The following CHN2 variants were observed in gnomAD, a reference collection of about 807,000 sequenced individuals.
CHN2 encodes the protein chimerin 2.
In CHN2, 35 loss-of-function variants were observed where a neutral mutation model predicts 56.3. The observed-to-expected ratio is 0.62, with a 90% CI of 0.47 to 0.82. The LOEUF (loss-of-function observed/expected upper bound fraction) is 0.82. CHN2 is among the 40% of genes least tolerant of loss of function. The pLI, the probability that CHN2 is intolerant of heterozygous loss-of-function variation, is 0.00. For missense variants in CHN2, 491 were observed against 580.5 expected (o/e 0.85, Z 1.58); for synonymous variants, 210 against 212.8 (o/e 0.99, Z 0.12).
At chr7:29,474,652 G>A (rs1254613926) in intron 6 of CHN2, among the ~76,000 whole-genome samples, 5 of 152,074 alleles carry the variant, frequency 3.3e-5, no homozygotes, top group Admixed American at 6.5e-5. Flanking sequence ...AACACCTAAG[G>A]AAGATTCAGA....
chr7:29,506,990 A>T (rs1420362155), intron 10 of CHN2, among the ~76,000 whole-genome samples: 1 of 152,172 alleles, frequency 6.6e-6, no homozygotes, highest in African/African-American at 2.4e-5. Flanking sequence ...TGGGACCCAA[A>T]TCACTGTTTG....
intron 3 of CHN2, among the ~76,000 whole-genome samples, chr7:29,372,192 C>T (rs917881388): frequency 6.6e-6 from 1 of 151,840 alleles, no homozygotes; most frequent in African/African-American, 2.4e-5. Context: ...CCACTAGATT[C>T]TATTCCCATT....
chr7:29,466,206 G>C (rs1785540093), intron 6 of CHN2, among the ~76,000 whole-genome samples: 1 of 145,088 alleles, frequency 6.9e-6, no homozygotes, highest in Non-Finnish European at 1.5e-5. Flanking sequence ...TCAAAATAAA[G>C]AGAGAAAGAG....
intron 2 of CHN2, chr7:29,148,556 A>G (rs533452628): frequency 6.6e-6 from 1 of 152,366 alleles, no homozygotes; most frequent in African/African-American, 2.4e-5. Flanking sequence ...TACATTTATT[A>G]AAATAATTAA....
intron 1 of CHN2, among the ~76,000 whole-genome samples, chr7:29,241,571 A>C (rs1020160784): frequency 6.6e-6 from 1 of 152,164 alleles, no homozygotes; most frequent in African/African-American, 2.4e-5. Context: ...CCTACCAGGC[A>C]GACCATGGGG....
chr7:29,298,545 C>T (rs571664078), intron 1 of CHN2, among the ~76,000 whole-genome samples: 2 of 152,204 alleles, frequency 1.3e-5, no homozygotes, highest in South Asian at 2.1e-4. Flanking sequence ...TTTGGGTGCA[C>T]GGTGCTTGGC....
In CHN2 at chr7:29,412,484, A is replaced by G. The variant is rs574115444; in HGVS notation, c.576+11656A>G. Reference sequence around the variant, plus strand: ...GTAGCTGAGACTACGGGCTCACACCACCACACCCAGCTAATTTTTGTATTT... The same window carrying G: ...GTAGCTGAGACTACGGGCTCACACCGCCACACCCAGCTAATTTTTGTATTT... On this transcript the variant is annotated intron_variant, in intron 6 of 12. Transcript: ENST00000222792. Among the ~76,000 whole-genome samples the G allele has an allele frequency of 5.9e-4, 90 of 151,944 alleles. 1 individual carries two copies. The South Asian group carries it at 0.018, about 31-fold the overall frequency.
At chr7:29,195,262 A>C (rs1223277517) in intron 1 of CHN2, 1 of 405,960 alleles carries the variant, frequency 2.5e-6, no homozygotes, top group Non-Finnish European at 4.4e-6. Flanking sequence ...GCAGCGAGCG[A>C]AAAGCGAAAG....
chr7:29,320,950 TCCAATACTAGGAG>T (rs1439457843), intron 1 of CHN2, among the ~76,000 whole-genome samples: 1 of 152,158 alleles, frequency 6.6e-6, no homozygotes, highest in Non-Finnish European at 1.5e-5. Context: ...TAAAATGAGG[TCCAATACTAGGAG>T]CAATTGGTAA....
At chr7:29,471,595 G>A (rs1175085026) in intron 6 of CHN2, among the ~76,000 whole-genome samples, 4 of 152,318 alleles carry the variant, frequency 2.6e-5, no homozygotes, top group East Asian at 3.9e-4. Context: ...TTGTATTCTA[G>A]GAGGGGCAGT....
intron 6 of CHN2, among the ~76,000 whole-genome samples, chr7:29,473,184 G>A (rs1261012986): frequency 6.6e-6 from 1 of 152,236 alleles, no homozygotes; most frequent in African/African-American, 2.4e-5. Flanking sequence ...TGGGAGGTGG[G>A]TGTGGGGTGA....
At chr7:29,378,071 A>T (rs1366246674) in intron 3 of CHN2, among the ~76,000 whole-genome samples, 1 of 152,198 alleles carries the variant, frequency 6.6e-6, no homozygotes, top group South Asian at 2.1e-4. Context: ...TTGCTCTGTC[A>T]TGGTTCTCAG....
chr7:29,213,052 A>G lies in CHN2; in HGVS notation c.49+18062A>G, dbSNP rs1476187880. 10 of 1,608,182 alleles carry G rather than the reference A, an allele frequency of 6.2e-6. No homozygotes were observed. The South Asian group carries it at 6.6e-5, about 11-fold the overall frequency. ...TGGAGAGGAATCTCTGCAGTCCTGCATGCAGTTCCAGCCAAATTCACCTTC... is the reference window on the plus strand; with the variant it reads ...TGGAGAGGAATCTCTGCAGTCCTGCGTGCAGTTCCAGCCAAATTCACCTTC... On this transcript the variant is annotated intron_variant, in intron 1 of 12. Transcript: ENST00000222792.
intron 12 of CHN2, among the ~76,000 whole-genome samples, chr7:29,511,571 T>C (rs924988531): frequency 1.3e-5 from 2 of 152,190 alleles, no homozygotes; most frequent in African/African-American, 4.8e-5. Flanking sequence ...AAACGTCCTC[T>C]TTCCAACCTT....
At chr7:29,315,383 C>A (rs1018822972) in intron 1 of CHN2, among the ~76,000 whole-genome samples, 1 of 152,154 alleles carries the variant, frequency 6.6e-6, no homozygotes, top group African/African-American at 2.4e-5. Flanking sequence ...AATCATGAGT[C>A]CTAACTTCAG....
chr7:29,454,609 T>C (rs1585447558), intron 6 of CHN2, among the ~76,000 whole-genome samples: 1 of 152,228 alleles, frequency 6.6e-6, no homozygotes, highest in Non-Finnish European at 1.5e-5. Context: ...CCATGTGACA[T>C]GCCCAGTGCA....
chr7:29,315,308 C>T (rs1230981693), intron 1 of CHN2, among the ~76,000 whole-genome samples: 1 of 152,178 alleles, frequency 6.6e-6, no homozygotes, highest in African/African-American at 2.4e-5. Context: ...CCATCTTTCT[C>T]AGCTTTGGCA....
rs1554301669 is a variant in CHN2, at chr7:29,487,213, T to TTTTG, written c.654+6869_654+6872dup. On this transcript the variant is annotated intron_variant, in intron 7 of 12. Transcript: ENST00000222792. ...TGGTTGGGGGCTTGTTTTGTTTTTT[T>TTTTG]TTTGTTTGTTTGTTTTGTTTTGTTT... 4.0e-5 allele frequency among the ~76,000 whole-genome samples: 6 copies of TTTTG among 151,702 alleles called. No homozygotes were observed. In the East Asian group the frequency reaches 7.7e-4, roughly 20 times the overall value.
intron 3 of CHN2, among the ~76,000 whole-genome samples, chr7:29,384,283 T>C (rs761553538): frequency 1.2e-4 from 19 of 152,218 alleles, no homozygotes; most frequent in Non-Finnish European, 2.8e-4. Flanking sequence ...CCTTGAGCAA[T>C]TTCCCTTCCT....
Sources: allele counts gnomAD v4.1 joint callset (sites outside exome capture counted in the v4.1 genomes callset), GRCh38; gene constraint gnomAD v4.1.1; transcripts MANE v1.5; gene names NCBI Gene and HGNC (gene_info 2026-07-23, HGNC 2026-07-21).